The following ABCA3 variants were observed in gnomAD, a reference collection of about 807,000 sequenced individuals.
The protein encoded by ABCA3 is phospholipid-transporting ATPase ABCA3.
Under a neutral mutation model 172.8 loss-of-function variants are expected in ABCA3, and 88 were observed. The ratio of observed to expected loss-of-function variants is 0.51; its 90% CI spans 0.43 to 0.61. The LOEUF is 0.61. Ranked by LOEUF, ABCA3 falls within the 20% of genes least tolerant of loss-of-function variation. The pLI is 0.00. For missense variants in ABCA3, 2,164 were observed against 2,301.0 expected (o/e 0.94, Z 1.22); for synonymous variants, 1,066 against 983.8 (o/e 1.08, Z -1.56).
rs572647243 is a variant in ABCA3, at chr16:2,285,594, A to C, written c.3331T>G (p.Leu1111Val). 1.9e-6 allele frequency: 3 copies of C among 1,561,606 alleles called. No homozygotes were observed. The South Asian group carries it at 3.5e-5, about 18-fold the overall frequency. Residue 1111 changes from leucine (L) to valine (V), a missense_variant, in exon 23 of 33, where the codon TTG (leucine) becomes GTG (valine). Around this residue, in one of 3 missense-constraint regions of ABCA3, gnomAD observed 795 missense variants for 881.9 expected, o/e 0.90. Transcript: ENST00000301732. The surrounding 1 kb of genome is among the most constrained non-coding windows in gnomAD (Gnocchi z 4.7). ...GCCAGGATGGAGAACGTGCTGGCCA[A>C]GAATGCCATGGCGAAGAGCAGGTTG... Reference protein sequence around the residue: ...ALNLLFAMAFLASTFSILAVS... With the variant: ...ALNLLFAMAFVASTFSILAVS...
rs369924779 is a variant in ABCA3 at position 2,317,269 on chromosome 16, T to G, written c.1111+14A>C. On this transcript the variant is annotated intron_variant, in intron 10 of 32. Transcript: ENST00000301732. ...CCCTTGGCAACCCCACTCTGCCCCA[T>G]GACTGGGGCTCACCTTTGCTGAAGA... is the stretch of plus-strand genomic sequence containing the variant. 1.2e-6 allele frequency: 2 copies of G among 1,613,602 alleles called. No individual in the cohort carries two copies. Among genetic ancestry groups the G allele is most frequent in the Admixed American group, 3.3e-5 (2 of 60,010 alleles).
At chr16:2,330,070 C>T (rs45479692) in intron 1 of ABCA3, among the ~76,000 whole-genome samples, 12,267 of 151,834 alleles carry the variant, frequency 0.081, 1,638 homozygotes, top group African/African-American at 0.28. Flanking sequence ...CTGAGCTGGG[C>T]GGATCACCTG....
At position 2,278,643 on chromosome 16, in the gene ABCA3, A is replaced by G. The variant is rs1405558238; in HGVS notation, c.4548-185T>C. ...CCGCATAGGGCTGGAGGCCCCAGAG[A>G]AGGCTGTTCCCAGGGGCCCGGTGCA... On this transcript the variant is annotated intron_variant, in intron 29 of 32. Coordinates refer to ENST00000301732, the MANE Select transcript of ABCA3 (RefSeq NM_001089.3). This position sits in a 1 kb window ranked among gnomAD's most constrained non-coding sequence, Gnocchi z 4.4. Among the ~76,000 whole-genome samples the G allele has an allele frequency of 2.0e-5, 3 of 152,162 alleles. No individual in the cohort carries two copies. The highest frequency in any genetic ancestry group is 4.4e-5 in the Non-Finnish European group (3 of 68,022).
intron 2 of ABCA3, 55 bp from the exon 3 acceptor site, chr16:2,328,812 G>A (rs970535076): frequency 5.6e-5 from 12 of 212,514 alleles, no homozygotes; most frequent in Non-Finnish European, 1.2e-4. Context: ...GGGATAGAAA[G>A]GCAAACAATT....
At chr16:2,305,479 T>C (rs2093696218) in intron 11 of ABCA3, among the ~76,000 whole-genome samples, 1 of 152,130 alleles carries the variant, frequency 6.6e-6, no homozygotes, top group African/African-American at 2.4e-5. Context: ...GTATTTTTAG[T>C]AGAGACGGAG....
chr16:2,301,591 T>C (rs1439009306), intron 12 of ABCA3, among the ~76,000 whole-genome samples: 1 of 151,770 alleles, frequency 6.6e-6, no homozygotes. Context: ...GTGCCTGTAA[T>C]CCCAGCTACT....
In ABCA3 at chr16:2,297,521, G is replaced by T; in HGVS notation, c.2071C>A (p.Pro691Thr). The stretch of plus-strand genomic sequence containing the variant: ...GAGATGGCGTCCATGCCCGAGGTGG[G>T]CTCGTCCAGTATCAGCACCTGGAGG... ...AGSKVLILDE[P>T]TSGMDAISRR... Residue 691 changes from proline to threonine, a missense_variant, in exon 17 of 33, where the codon CCC (proline) becomes ACC (threonine). Pro to Thr is a conservative substitution (Grantham distance 38, BLOSUM62 -1). Transcript: ENST00000301732. This position sits in a 1 kb window ranked among gnomAD's most constrained non-coding sequence, Gnocchi z 5.6. The T allele has an allele frequency of 1.2e-6, 2 of 1,612,598 alleles. No individual in the cohort carries two copies. The highest frequency in any genetic ancestry group is 1.7e-6 in the Non-Finnish European group (2 of 1,179,958).
At chr16:2,330,192 C>T (rs946324722) in intron 1 of ABCA3, among the ~76,000 whole-genome samples, 15 of 148,786 alleles carry the variant, frequency 1.0e-4, no homozygotes, top group Non-Finnish European at 2.1e-4. Context: ...ACTCGGGAGG[C>T]TGAGGTGGGA....
At chr16:2,288,356 C>A in intron 20 of ABCA3, 27 bp from the exon 21 acceptor site, 1 of 1,537,364 alleles carries the variant, frequency 6.5e-7, no homozygotes, top group Non-Finnish European at 8.7e-7. Flanking sequence ...GCAGGTGACA[C>A]CGGCACCGCT....
At position 2,299,490 on chromosome 16, in the gene ABCA3, G is replaced by T. The variant is rs1043827944; in HGVS notation, c.1654C>A (p.Leu552Met). 41 of 1,613,726 alleles carry T rather than the reference G, an allele frequency of 2.5e-5. No homozygotes were observed. The highest frequency in any genetic ancestry group is 2.2e-4 in the Admixed American group (13 of 60,008). ...GNKDRAAVRD[L>M]NLNLYEGQIT... ...TGTCCCTCGTACAGGTTGAGGTTCA[G>T]GTCTCTGACGGCCGCCCTGTCCTTA... The change falls in exon 14 of 33, where the codon CTG becomes ATG. Residue 552 changes from leucine (L) to methionine (M), a missense_variant. By Grantham distance (15) the Leu-to-Met change is conservative (BLOSUM62 2). Transcript: ENST00000301732.
At chr16:2,328,845 A>G (rs2093738674) in intron 2 of ABCA3, 88 bp from the exon 3 acceptor site, 1 of 183,500 alleles carries the variant, frequency 5.4e-6, no homozygotes, top group Admixed American at 5.5e-5. Flanking sequence ...CTAGATCACC[A>G]TGAGCTAGCG....
rs559269686 is a variant in ABCA3 at position 2,324,388 on chromosome 16, C to T, written c.447+16G>A. The stretch of plus-strand genomic sequence containing the variant: ...GCTGATGGGCTGTGACTGCTCGGCC[C>T]GGCCGCACGTCTCACCGCCAGCGGC... On this transcript the variant is annotated intron_variant, in intron 6 of 32. Coordinates refer to ENST00000301732, the MANE Select transcript of ABCA3 (RefSeq NM_001089.3). 2.7e-4 allele frequency: 429 copies of T among 1,581,398 alleles called. 4 individuals are homozygous for T. In the South Asian group the frequency reaches 4.5e-3, roughly 17 times the overall value.
chr16:2,284,163 G>A lies in ABCA3; in HGVS notation c.3862+116C>T. 3 of 1,321,362 alleles carry A rather than the reference G, an allele frequency of 2.3e-6. No homozygotes were observed. The highest frequency in any genetic ancestry group is 1.4e-5 in the South Asian group (1 of 70,010). The allele number at this position is 1,321,362 out of a possible 1,614,324, so 81.9% of individuals were successfully genotyped here. ...GTGGGGCAAGGCGGTACAGAGGAACGCACCAGCCCCAGGCCACTCAGACGC... is the reference window on the plus strand; with the variant it reads ...GTGGGGCAAGGCGGTACAGAGGAACACACCAGCCCCAGGCCACTCAGACGC... On this transcript the variant is annotated intron_variant, in intron 25 of 32. Coordinates refer to ENST00000301732, the MANE Select transcript of ABCA3 (RefSeq NM_001089.3). The surrounding 1 kb of genome is among the most constrained non-coding windows in gnomAD (Gnocchi z 5.9).
intron 11 of ABCA3, among the ~76,000 whole-genome samples, chr16:2,308,210 C>T (rs1429430632): frequency 6.6e-6 from 1 of 152,246 alleles, no homozygotes; most frequent in Non-Finnish European, 1.5e-5. Context: ...CTTCTTCGGC[C>T]CACTGCCCTG....
rs1240977797 is a variant in ABCA3, at chr16:2,340,724, C to T, written c.-690G>A. On this transcript the variant is annotated 5_prime_UTR_variant, in exon 1 of 33. Coordinates refer to ENST00000301732, the MANE Select transcript of ABCA3 (RefSeq NM_001089.3). ...GAGGGGAGGGTGCGCCTGCAACCCG[C>T]TACTGGCGGACGCAGCGGCCGCTCC... 6.6e-6 allele frequency: 1 copy of T among 150,586 alleles called. No individual in the cohort carries two copies. The highest frequency in any genetic ancestry group is 1.5e-5 in the Non-Finnish European group (1 of 67,370). 9.3% of individuals were successfully genotyped at this position (150,586 alleles called of 1,614,324 possible).
At position 2,304,157 on chromosome 16, in the gene ABCA3, G is replaced by C; in HGVS notation, c.1286-7C>G. On this transcript the variant is annotated splice_region_variant and splice_polypyrimidine_tract_variant and intron_variant, in intron 11 of 32. Coordinates refer to ENST00000301732, the MANE Select transcript of ABCA3 (RefSeq NM_001089.3). ...CGCCACTGGATGCCCATGCCTGGAA[G>C]ACACATCAGGAAAGTGGCCCGAAAG... The C allele has an allele frequency of 1.2e-6, 2 of 1,614,042 alleles. No homozygotes were observed.
chr16:2,303,148 C>T (rs1312635623), intron 12 of ABCA3, among the ~76,000 whole-genome samples: 1 of 151,842 alleles, frequency 6.6e-6, no homozygotes, highest in Non-Finnish European at 1.5e-5. Context: ...CATCTGTGCT[C>T]TATGACAGTA....
chr16:2,281,628 T>A lies in ABCA3; in HGVS notation c.4036-119A>T. 1 of 1,292,446 alleles carries A rather than the reference T, an allele frequency of 7.7e-7. No homozygotes were observed. The highest frequency in any genetic ancestry group is 1.2e-5 in the South Asian group (1 of 81,888). The allele number at this position is 1,292,446 out of a possible 1,614,324, so 80.1% of individuals were successfully genotyped here. ...GTGGGACTAAGGCCTTCAAGGCTTC[T>A]CGTCCCAATCTCAGGCCCCACAGGT... On this transcript the variant is annotated intron_variant, in intron 26 of 32. Coordinates refer to ENST00000301732, the MANE Select transcript of ABCA3 (RefSeq NM_001089.3). The surrounding 1 kb of genome is among the most constrained non-coding windows in gnomAD (Gnocchi z 4.7).
In ABCA3 at chr16:2,297,212, G is replaced by C; in HGVS notation, c.2263+117C>G. 8.8e-7 allele frequency: 1 copy of C among 1,140,488 alleles called. No individual in the cohort carries two copies. The highest frequency in any genetic ancestry group is 2.5e-5 in the East Asian group (1 of 39,284). The allele number at this position is 1,140,488 out of a possible 1,614,324, so 70.6% of individuals were successfully genotyped here. ...CTCTCCACCCAGAGGCAACAGACAG[G>C]AAGTCTAGAAAAGGCCACCCCTGCC... On this transcript the variant is annotated intron_variant, in intron 17 of 32. Transcript: ENST00000301732. The surrounding 1 kb of genome is among the most constrained non-coding windows in gnomAD (Gnocchi z 5.6).
Sources: gnomAD v4.1 joint callset for allele counts (sites outside exome capture counted in the v4.1 genomes callset) on GRCh38, gnomAD v4.1.1 for gene constraint, gnomAD v4.1.1 regional missense constraint, Gnocchi (gnomAD v3.1) non-coding constraint, MANE v1.5 for transcripts, NCBI Gene and HGNC (gene_info 2026-07-23, HGNC 2026-07-21) for gene names.